Variants in RALYL observed in about 807,000 individuals in gnomAD.
RALYL encodes the protein RNA-binding Raly-like protein.
Under a neutral mutation model 35.1 loss-of-function variants are expected in RALYL, and 29 were observed. That is an observed-to-expected ratio of 0.83 (90% CI 0.61 to 1.13). RALYL has a LOEUF of 1.13. Among genes scored for constraint, RALYL ranks in the 50% most tolerant of loss-of-function variants. The pLI is 0.00. For missense variants in RALYL, 359 were observed against 360.4 expected (o/e 1.00, Z 0.03); for synonymous variants, 120 against 127.6 (o/e 0.94, Z 0.40).
rs2045452978 is a variant in RALYL, at chr8:84,420,796, A to G, written c.-23-108503A>G. Among the ~76,000 whole-genome samples the G allele has an allele frequency of 5.3e-5, 6 of 113,882 alleles. No individual in the cohort carries two copies. The South Asian group carries it at 1.9e-3, about 36-fold the overall frequency. The allele number at this position is 113,882 out of a possible 152,430, so 74.7% of individuals were successfully genotyped here. A position where few individuals can be genotyped will look rare whatever the true frequency, so the allele number is the denominator to read the frequency against. On this transcript the variant is annotated intron_variant, in intron 1 of 8. Transcript: ENST00000521268. ...CCAGTTTTCCCAGCACCATTTATTA[A>G]ATAGGGAATCCTTTCCCCATTGCTT...
chr8:84,283,458 C>T (rs1460709952), intron 1 of RALYL, among the ~76,000 whole-genome samples: 2 of 152,134 alleles, frequency 1.3e-5, no homozygotes, highest in African/African-American at 4.8e-5. Context: ...CCCTTGTTCC[C>T]TCTTTCTTCC....
intron 1 of RALYL, among the ~76,000 whole-genome samples, chr8:84,293,903 A>G (rs1183621956): frequency 2.9e-4 from 43 of 149,738 alleles, no homozygotes; most frequent in Non-Finnish European, 4.4e-5. Flanking sequence ...TATGAAATTC[A>G]GTTTTCTATT....
chr8:84,702,444 A>G (rs181231338), intron 2 of RALYL, among the ~76,000 whole-genome samples: 82 of 152,148 alleles, frequency 5.4e-4, no homozygotes, highest in African/African-American at 1.4e-3. Context: ...CCCCATTTTC[A>G]AAATTGGGAT....
At chr8:84,608,068 C>G (rs931517404) in intron 2 of RALYL, among the ~76,000 whole-genome samples, 2 of 151,894 alleles carry the variant, frequency 1.3e-5, no homozygotes, top group African/African-American at 4.8e-5. Context: ...AAACAGTTTC[C>G]AGACAAGCTG....
chr8:84,629,261 T>C (rs930100721), intron 2 of RALYL, among the ~76,000 whole-genome samples: 1 of 152,058 alleles, frequency 6.6e-6, no homozygotes, highest in African/African-American at 2.4e-5. Flanking sequence ...AACTTTAGTA[T>C]CTCCTTCACC....
intron 1 of RALYL, among the ~76,000 whole-genome samples, chr8:84,333,910 C>G (rs866978785): frequency 3.9e-5 from 6 of 152,060 alleles, no homozygotes; most frequent in South Asian, 2.1e-4. Flanking sequence ...CCTTGGGACA[C>G]GGTCTCACTG....
At chr8:84,420,232 G>A (rs2045342317) in intron 1 of RALYL, among the ~76,000 whole-genome samples, 1 of 151,962 alleles carries the variant, frequency 6.6e-6, no homozygotes, top group African/African-American at 2.4e-5. Flanking sequence ...TTTAATGATT[G>A]CCATTCTAAC....
At chr8:84,242,463 G>T (rs901702939) in intron 1 of RALYL, among the ~76,000 whole-genome samples, 3 of 152,180 alleles carry the variant, frequency 2.0e-5, no homozygotes, top group African/African-American at 7.2e-5. Context: ...CCCACCAACA[G>T]TGTAAAAGCA....
At chr8:84,386,663 A>AT (rs1392343826) in intron 1 of RALYL, among the ~76,000 whole-genome samples, 2 of 151,824 alleles carry the variant, frequency 1.3e-5, no homozygotes, top group Non-Finnish European at 2.9e-5. Flanking sequence ...CAAGTGCTAT[A>AT]TATTGGTTAC....
At chr8:84,629,013 C>CA in intron 2 of RALYL, among the ~76,000 whole-genome samples, 1 of 151,998 alleles carries the variant, frequency 6.6e-6, no homozygotes, top group East Asian at 2.0e-4. Flanking sequence ...ATTGACTCAG[C>CA]AAAAAGCACA....
chr8:84,527,967 T>G (rs1476647911), intron 1 of RALYL, among the ~76,000 whole-genome samples: 1 of 152,184 alleles, frequency 6.6e-6, no homozygotes, highest in East Asian at 1.9e-4. Context: ...TGAAACATTT[T>G]ATGCTACTTG....
chr8:84,251,450 C>T (rs1366426617), intron 1 of RALYL, among the ~76,000 whole-genome samples: 4 of 151,924 alleles, frequency 2.6e-5, no homozygotes, highest in East Asian at 1.9e-4. Context: ...TTTTGAATTA[C>T]GGTCATTTTC....
chr8:84,433,720 G>A (rs1051874489), intron 1 of RALYL, among the ~76,000 whole-genome samples: 1 of 151,922 alleles, frequency 6.6e-6, no homozygotes, highest in African/African-American at 2.4e-5. Flanking sequence ...ATGTGGAACT[G>A]TAAGCCCAAT....
At position 84,380,179 on chromosome 8, in the gene RALYL, T is replaced by G. The variant is rs539132266; in HGVS notation, c.-23-149120T>G. The stretch of plus-strand genomic sequence containing the variant: ...TTCCTTCATTTGATGTGATGCAGAT[T>G]ATTTAATTCCTCCGAAGACTTGGTT... On this transcript the variant is annotated intron_variant, in intron 1 of 8. Transcript: ENST00000521268. Among the ~76,000 whole-genome samples, 6 of 151,952 alleles carry G rather than the reference T, an allele frequency of 3.9e-5. No individual in the cohort carries two copies. The South Asian group carries it at 1.2e-3, about 31-fold the overall frequency.
At chr8:84,234,110 A>G (rs909056489) in intron 1 of RALYL, among the ~76,000 whole-genome samples, 1 of 152,272 alleles carries the variant, frequency 6.6e-6, no homozygotes, top group African/African-American at 2.4e-5. Flanking sequence ...TAAATATCAT[A>G]AGGAAAAGCC....
At chr8:84,237,488 G>T (rs142228691) in intron 1 of RALYL, among the ~76,000 whole-genome samples, 2,407 of 152,150 alleles carry the variant, frequency 0.016, 30 homozygotes, top group South Asian at 0.028. Context: ...ATGAGTATCT[G>T]AAAATCATAT....
chr8:84,679,654 C>T lies in RALYL; in HGVS notation c.257-94925C>T. On this transcript the variant is annotated intron_variant, in intron 2 of 8. Transcript: ENST00000521268. ...AGTTTGATGATGGTGCTGGAGGTGA[C>T]AATGAAGTACAGAGAAAAATGTGAG... The T allele has an allele frequency of 6.1e-6, 3 of 489,524 alleles. 1 individual carries two copies. The highest frequency in any genetic ancestry group is 4.7e-5 in the South Asian group (3 of 64,218). 30.3% of individuals were successfully genotyped at this position (489,524 alleles called of 1,614,324 possible).
chr8:84,360,465 C>T (rs1852754803), intron 1 of RALYL, among the ~76,000 whole-genome samples: 1 of 152,122 alleles, frequency 6.6e-6, no homozygotes, highest in South Asian at 2.1e-4. Flanking sequence ...GAGAAAGACA[C>T]TGAAAAGTTC....
intron 4 of RALYL, among the ~76,000 whole-genome samples, chr8:84,819,892 T>A (rs950980753): frequency 6.6e-6 from 1 of 152,198 alleles, no homozygotes; most frequent in Non-Finnish European, 1.5e-5. Context: ...TTTGTTCATA[T>A]AATAAAGTGT....
Sources: allele counts gnomAD v4.1 joint callset (sites outside exome capture counted in the v4.1 genomes callset), GRCh38; gene constraint gnomAD v4.1.1; transcripts MANE v1.5; gene names NCBI Gene and HGNC (gene_info 2026-07-23, HGNC 2026-07-21).